The following GRHL2 variants were observed in gnomAD, a reference collection of about 807,000 sequenced individuals.
The protein encoded by GRHL2 is grainyhead-like protein 2 homolog.
A neutral mutation model predicts 83.8 loss-of-function variants in GRHL2; 21 were observed. The ratio of observed to expected loss-of-function variants is 0.25; its 90% CI spans 0.18 to 0.36. The LOEUF is 0.36. Ranked by LOEUF, GRHL2 falls within the 10% of genes least tolerant of loss-of-function variation. The pLI is 1.00. For missense variants in GRHL2, 623 were observed against 781.8 expected (o/e 0.80, Z 2.42); for synonymous variants, 280 against 278.9 (o/e 1.00, Z -0.04).
chr8:101,579,759 C>G (rs1655773367), intron 7 of GRHL2, among the ~76,000 whole-genome samples: 1 of 152,164 alleles, frequency 6.6e-6, no homozygotes, highest in African/African-American at 2.4e-5. Flanking sequence ...CGATGGTGTC[C>G]TGGCACATAT....
At position 101,492,730 on chromosome 8, in the gene GRHL2, G is replaced by T. The variant is rs1563547550; in HGVS notation, c.-40G>T. ...TGAAAGTCCAGTTTCACCAGAGGCT[G>T]AGGCTCCAGGAAAAGCGGAGCAAGT... On this transcript the variant is annotated 5_prime_UTR_variant, in exon 1 of 16. Transcript: ENST00000646743. 1 of 1,600,820 alleles carries T rather than the reference G, an allele frequency of 6.2e-7. No individual in the cohort carries two copies.
At chr8:101,504,849 A>G (rs1342629523) in intron 1 of GRHL2, among the ~76,000 whole-genome samples, 3 of 151,994 alleles carry the variant, frequency 2.0e-5, no homozygotes, top group African/African-American at 7.3e-5. Context: ...GTTGTCGCCA[A>G]CGTGAACTTC....
rs3832541 is a variant in GRHL2 at position 101,668,271 on chromosome 8, CA to C, written c.*1569del. Reference sequence around the variant, plus strand: ...CTTTTTGGTAGCTAGACACATCCTGCACCCAAAGGTTCTCTACAAAGGCCCA... The same window carrying C: ...CTTTTTGGTAGCTAGACACATCCTGCCCCAAAGGTTCTCTACAAAGGCCCA... On this transcript the variant is annotated 3_prime_UTR_variant, in exon 16 of 16. Transcript: ENST00000646743. 0.23 allele frequency: 35,562 copies of C among 152,528 alleles called. 4,310 individuals are homozygous for C. The highest frequency in any genetic ancestry group is 0.29 in the South Asian group (1,389 of 4,814). The allele number at this position is 152,528 out of a possible 1,614,324, so 9.4% of individuals were successfully genotyped here.
chr8:101,504,360 G>T (rs1243027317), intron 1 of GRHL2, among the ~76,000 whole-genome samples: 2 of 152,214 alleles, frequency 1.3e-5, no homozygotes, highest in East Asian at 1.9e-4. Flanking sequence ...AAAAGTAGGT[G>T]TATAAGTTTC....
downstream of GRHL2, among the ~76,000 whole-genome samples, chr8:101,674,632 A>T (rs1452165053): frequency 2.6e-5 from 4 of 152,214 alleles, no homozygotes; most frequent in Admixed American, 2.6e-4. Flanking sequence ...CAGAGGTAAA[A>T]GGAGGAGCTG....
chr8:101,631,502 G>T, intron 9 of GRHL2, 135 bp from the exon 10 acceptor site: 1 of 753,574 alleles, frequency 1.3e-6, no homozygotes. Context: ...AACCTTGCCA[G>T]AGGAATGGAA....
At chr8:101,523,911 T>C (rs571695457) in intron 1 of GRHL2, among the ~76,000 whole-genome samples, 2 of 152,352 alleles carry the variant, frequency 1.3e-5, no homozygotes, top group Non-Finnish European at 2.9e-5. Flanking sequence ...TTATTTGTTT[T>C]GACTCACATA....
At chr8:101,573,871 G>T in intron 6 of GRHL2, 47 bp downstream of exon 6, 2 of 1,597,020 alleles carry the variant, frequency 1.3e-6, no homozygotes, top group Non-Finnish European at 1.7e-6. Flanking sequence ...TCCGATGAAC[G>T]GAATGGCTAC....
At chr8:101,671,845 G>A (rs901976403), downstream of GRHL2, among the ~76,000 whole-genome samples, 2 of 152,172 alleles carry the variant, frequency 1.3e-5, no homozygotes, top group South Asian at 2.1e-4. Context: ...AAAACTTTCA[G>A]AGGAACGATC....
At chr8:101,591,760 T>A (rs913163537) in intron 7 of GRHL2, among the ~76,000 whole-genome samples, 1 of 152,176 alleles carries the variant, frequency 6.6e-6, no homozygotes, top group Non-Finnish European at 1.5e-5. Flanking sequence ...TTAGCAGAGG[T>A]GATAAAGGCT....
chr8:101,666,791 C>A lies in GRHL2; in HGVS notation c.*88C>A. On this transcript the variant is annotated 3_prime_UTR_variant, in exon 16 of 16. Coordinates refer to ENST00000646743, the MANE Select transcript of GRHL2 (RefSeq NM_024915.4). The stretch of plus-strand genomic sequence containing the variant: ...AGCCCCAGCCCCAGAACCTGGAGAC[C>A]CATCTCCCCCATCTCACAACTGCTG... 1.3e-6 allele frequency: 1 copy of A among 783,082 alleles called. No individual in the cohort carries two copies. Among genetic ancestry groups the A allele is most frequent in the Non-Finnish European group, 2.3e-6 (1 of 439,298 alleles). The allele number at this position is 783,082 out of a possible 1,614,324, so 48.5% of individuals were successfully genotyped here.
At chr8:101,578,079 G>A (rs2130244267) in intron 7 of GRHL2, among the ~76,000 whole-genome samples, 1 of 152,322 alleles carries the variant, frequency 6.6e-6, no homozygotes. Context: ...CCGTTCTGTA[G>A]AGACCAGCAG....
At chr8:101,616,043 TTC>T (rs1812848549) in intron 8 of GRHL2, among the ~76,000 whole-genome samples, 1 of 150,664 alleles carries the variant, frequency 6.6e-6, no homozygotes, top group African/African-American at 2.5e-5. Context: ...CTTTCTTTCT[TTC>T]TCTTTCTCCC....
At chr8:101,523,163 C>T (rs984213067) in intron 1 of GRHL2, among the ~76,000 whole-genome samples, 2 of 151,966 alleles carry the variant, frequency 1.3e-5, no homozygotes, top group Non-Finnish European at 2.9e-5. Context: ...CCACCCACCT[C>T]GGCCTCCCAA....
chr8:101,600,615 C>T (rs151216207), intron 8 of GRHL2, among the ~76,000 whole-genome samples: 1,560 of 152,322 alleles, frequency 0.01, 10 homozygotes, highest in Non-Finnish European at 0.014. Flanking sequence ...ACTAGGATGG[C>T]CACTGAGTCA....
chr8:101,639,390 A>T (rs929508194), intron 12 of GRHL2, among the ~76,000 whole-genome samples: 1 of 152,214 alleles, frequency 6.6e-6, no homozygotes, highest in African/African-American at 2.4e-5. Flanking sequence ...CACCGTGCTA[A>T]GTGCTTTATG....
At chr8:101,650,672 T>G (rs563323335) in intron 14 of GRHL2, among the ~76,000 whole-genome samples, 1 of 152,014 alleles carries the variant, frequency 6.6e-6, no homozygotes, top group Non-Finnish European at 1.5e-5. Flanking sequence ...GTGGAACAAC[T>G]GCTTAATGGG....
At chr8:101,542,809 A>G (rs1024590965) in intron 1 of GRHL2, 1 of 456,598 alleles carries the variant, frequency 2.2e-6, no homozygotes, top group African/African-American at 2.0e-5. Flanking sequence ...AGAGAGAGTA[A>G]GATGGAAAGA....
At chr8:101,498,083 C>T (rs1212628459) in intron 1 of GRHL2, among the ~76,000 whole-genome samples, 1 of 152,188 alleles carries the variant, frequency 6.6e-6, no homozygotes, top group Non-Finnish European at 1.5e-5. Context: ...CACTCATGTG[C>T]GAGCTGGTGT....
Sources: allele counts gnomAD v4.1 joint callset (sites outside exome capture counted in the v4.1 genomes callset), GRCh38; gene constraint gnomAD v4.1.1; transcripts MANE v1.5; gene names NCBI Gene and HGNC (gene_info 2026-07-23, HGNC 2026-07-21).